Variants in RBM20 observed in about 807,000 individuals in gnomAD.
RBM20 encodes the protein RNA binding motif protein 20.
RBM20 carries 51 observed loss-of-function variants against 110.1 expected under a neutral mutation model. The observed-to-expected ratio is 0.46, with a 90% CI of 0.37 to 0.59. The LOEUF is 0.59. Ranked by LOEUF, RBM20 falls within the 20% of genes least tolerant of loss-of-function variation. The probability of loss-of-function intolerance (pLI) is 0.00; values close to 1 mark genes in which losing one functional copy is unlikely to be tolerated. For missense variants in RBM20, 1,512 were observed against 1,574.9 expected (o/e 0.96, Z 0.68); for synonymous variants, 589 against 618.2 (o/e 0.95, Z 0.70).
At chr10:110,709,305 T>A (rs1862887288) in intron 1 of RBM20, among the ~76,000 whole-genome samples, 2 of 152,122 alleles carry the variant, frequency 1.3e-5, no homozygotes, top group Non-Finnish European at 2.9e-5. Flanking sequence ...ACCCAGGGGA[T>A]GACCCTGGCA....
At chr10:110,770,111 G>C (rs1181091138) in intron 1 of RBM20, among the ~76,000 whole-genome samples, 1 of 152,162 alleles carries the variant, frequency 6.6e-6, no homozygotes, top group African/African-American at 2.4e-5. Context: ...ACCTGGACTT[G>C]TTAGAAATGT....
intron 1 of RBM20, among the ~76,000 whole-genome samples, chr10:110,708,077 A>T (rs2134906368): frequency 6.6e-6 from 1 of 152,342 alleles, no homozygotes; most frequent in East Asian, 1.9e-4. Flanking sequence ...GGTTATAAAA[A>T]GGTTGGATGA....
At chr10:110,783,656 A>G (rs563144662) in intron 3 of RBM20, among the ~76,000 whole-genome samples, 2 of 152,364 alleles carry the variant, frequency 1.3e-5, no homozygotes, top group East Asian at 3.9e-4. Flanking sequence ...AGAAAACACC[A>G]GGCAGAGGCC....
rs146726505 is a variant in RBM20, at chr10:110,690,962, T to C, written c.191+46317T>C. Reference sequence around the variant, plus strand: ...CAGAATTGCTGGATCTTATGTGTTATGGACTGAATGTTTATGTCCCCTCAA... The same window carrying C: ...CAGAATTGCTGGATCTTATGTGTTACGGACTGAATGTTTATGTCCCCTCAA... On this transcript the variant is annotated intron_variant, in intron 1 of 13. Transcript: ENST00000369519. Among the ~76,000 whole-genome samples the C allele has an allele frequency of 3.2e-4, 49 of 152,342 alleles. 1 individual carries two copies. In the East Asian group the frequency reaches 8.5e-3, roughly 26 times the overall value.
At chr10:110,716,596 G>A (rs766099077) in intron 1 of RBM20, among the ~76,000 whole-genome samples, 116 of 152,184 alleles carry the variant, frequency 7.6e-4, no homozygotes, top group Admixed American at 1.6e-3. Flanking sequence ...ATATTCATGG[G>A]GAATAAATGA....
chr10:110,766,613 C>T (rs921894320), intron 1 of RBM20, among the ~76,000 whole-genome samples: 1 of 151,480 alleles, frequency 6.6e-6, no homozygotes, highest in Non-Finnish European at 1.5e-5. Flanking sequence ...GTGGACACAG[C>T]ACATGTTTCA....
chr10:110,824,750 C>T (rs902784738), intron 12 of RBM20, among the ~76,000 whole-genome samples: 8 of 152,168 alleles, frequency 5.3e-5, no homozygotes, highest in African/African-American at 1.9e-4. Flanking sequence ...ATCTTTGAGT[C>T]CCCTCGCATT....
At chr10:110,735,475 TGA>T (rs1843660891) in intron 1 of RBM20, among the ~76,000 whole-genome samples, 1 of 152,232 alleles carries the variant, frequency 6.6e-6, no homozygotes, top group Non-Finnish European at 1.5e-5. Context: ...GCTTTTGTCC[TGA>T]TTGAATAGTG....
At chr10:110,665,785 A>G in intron 1 of RBM20, among the ~76,000 whole-genome samples, 1 of 152,192 alleles carries the variant, frequency 6.6e-6, no homozygotes, top group South Asian at 2.1e-4. Context: ...TTTATTAGTT[A>G]CTTATTTATA....
At position 110,644,512 on chromosome 10, in the gene RBM20, G is replaced by A. The variant is rs1286794830; in HGVS notation, c.58G>A (p.Asp20Asn). ...GGACCCCAGCGGTCCGGAGCAGCCG[G>A]ACAGAGTTGCCTGCAGTGTGCCTGG... ...DADPSGPEQP[D>N]RVACSVPGAR... The change falls in exon 1 of 14, where the codon GAC (aspartate) becomes AAC (asparagine). Residue 20 changes from aspartate to asparagine, a missense_variant. Around this residue, in one of 3 missense-constraint regions of RBM20, gnomAD observed 1,149 missense variants for 1,169.4 expected, o/e 0.98. Transcript: ENST00000369519. The surrounding 1 kb of genome is among the most constrained non-coding windows in gnomAD (Gnocchi z 4.3). 1 of 1,527,688 alleles carries A rather than the reference G, an allele frequency of 6.5e-7. No individual in the cohort carries two copies. Among genetic ancestry groups the A allele is most frequent in the South Asian group, 1.2e-5 (1 of 82,224 alleles). The allele number at this position is 1,527,688 out of a possible 1,614,324, so 94.6% of individuals were successfully genotyped here.
chr10:110,757,140 A>G (rs1253842719), intron 1 of RBM20, among the ~76,000 whole-genome samples: 2 of 152,156 alleles, frequency 1.3e-5, no homozygotes, highest in Non-Finnish European at 2.9e-5. Context: ...ATTCCTTCCT[A>G]GTGTGGTTCA....
intron 1 of RBM20, among the ~76,000 whole-genome samples, chr10:110,679,887 G>A (rs1462749906): frequency 2.0e-5 from 3 of 152,214 alleles, no homozygotes; most frequent in Non-Finnish European, 4.4e-5. Context: ...CATTCACTTG[G>A]TGATTGTCAT....
At position 110,823,649 on chromosome 10, in the gene RBM20, G is replaced by C. The variant is rs374796952; in HGVS notation, c.3451+35G>C. 1.5e-5 allele frequency: 23 copies of C among 1,549,388 alleles called. No individual in the cohort carries two copies. In the South Asian group the frequency reaches 2.3e-4, roughly 15 times the overall value. ...ACACACAGTCTTTCCTGAAATTCAGGTCTAGGAAATAACAGTTCCATAGCA... is the reference window on the plus strand; with the variant it reads ...ACACACAGTCTTTCCTGAAATTCAGCTCTAGGAAATAACAGTTCCATAGCA... On this transcript the variant is annotated intron_variant, in intron 12 of 13. Coordinates refer to ENST00000369519, the MANE Select transcript of RBM20 (RefSeq NM_001134363.3).
chr10:110,833,625 G>C (rs562381383), intron 13 of RBM20, among the ~76,000 whole-genome samples: 1 of 152,294 alleles, frequency 6.6e-6, no homozygotes, highest in South Asian at 2.1e-4. Context: ...AGACTTGCCA[G>C]GGCCTCTAAT....
intron 11 of RBM20, 111 bp downstream of exon 11, chr10:110,822,046 C>G (rs527303013): frequency 1.9e-6 from 2 of 1,068,414 alleles, no homozygotes; most frequent in Non-Finnish European, 2.8e-6. Flanking sequence ...TTTCAACTAG[C>G]ATTAAAGTGG....
At chr10:110,662,132 C>T (rs1862113798) in intron 1 of RBM20, among the ~76,000 whole-genome samples, 1 of 152,052 alleles carries the variant, frequency 6.6e-6, no homozygotes, top group Admixed American at 6.5e-5. Context: ...GGAGCCAGCA[C>T]TTGAATGGTA....
chr10:110,717,799 A>T (rs1315530753), intron 1 of RBM20, among the ~76,000 whole-genome samples: 1 of 152,200 alleles, frequency 6.6e-6, no homozygotes, highest in Non-Finnish European at 1.5e-5. Context: ...TCATGGAATC[A>T]CAAAGGGATC....
Position 110,793,994 on chromosome 10 carries a change from C to T in RBM20, c.1528-3514C>T, listed in dbSNP as rs951000254. Among the ~76,000 whole-genome samples the T allele has an allele frequency of 4.6e-5, 7 of 152,320 alleles. No homozygotes were observed. The East Asian group carries it at 5.8e-4, about 13-fold the overall frequency. On this transcript the variant is annotated intron_variant, in intron 5 of 13. Coordinates refer to ENST00000369519, the MANE Select transcript of RBM20 (RefSeq NM_001134363.3). ...TGGGAATTACTGCGTAGCATGGTGA[C>T]GCTTGCTCAAGAGCACTCAGGATTG...
chr10:110,783,338 T>C, intron 2 of RBM20, 28 bp from the exon 3 acceptor site: 1 of 1,535,042 alleles, frequency 6.5e-7, no homozygotes. Flanking sequence ...AGTTCTACTT[T>C]GGTCACTTTT....
Sources: allele counts gnomAD v4.1 joint callset (sites outside exome capture counted in the v4.1 genomes callset), GRCh38; gene constraint gnomAD v4.1.1; regional missense constraint gnomAD v4.1.1; non-coding constraint Gnocchi (gnomAD v3.1); transcripts MANE v1.5; gene names NCBI Gene and HGNC (gene_info 2026-07-23, HGNC 2026-07-21).